TRPM3: variants seen among roughly 807,000 people sequenced by gnomAD.
TRPM3 encodes long transient receptor potential channel 3.
TRPM3 carries 77 observed loss-of-function variants against 181.2 expected under a neutral mutation model. That is an observed-to-expected ratio of 0.42 (90% CI 0.35 to 0.51). The LOEUF is 0.51. TRPM3 is among the 20% of genes least tolerant of loss of function. The pLI, the probability that TRPM3 is intolerant of heterozygous loss-of-function variation, is 0.01. For synonymous variants in TRPM3, 745 were observed against 796.4 expected, an observed-to-expected ratio of 0.94 and a Z score of 1.09; for missense variants, 1,759 against 2,196.7, an observed-to-expected ratio of 0.80 and a Z score of 3.98.
At chr9:70,867,903 T>C (rs1441383082) in intron 1 of TRPM3, among the ~76,000 whole-genome samples, 3 of 152,082 alleles carry the variant, frequency 2.0e-5, no homozygotes, top group Non-Finnish European at 4.4e-5. Context: ...TTGAAGGTTT[T>C]GAACTACTCT....
chr9:70,613,628 C>A (rs1178845558), intron 18 of TRPM3, among the ~76,000 whole-genome samples: 1 of 152,172 alleles, frequency 6.6e-6, no homozygotes, highest in African/African-American at 2.4e-5. Context: ...GCTGTCCAGC[C>A]CTGAGTTTGC....
intron 24 of TRPM3, 134 bp from the exon 25 acceptor site, chr9:70,549,808 T>C: frequency 2.2e-6 from 2 of 899,974 alleles, no homozygotes; most frequent in Non-Finnish European, 3.2e-6. Flanking sequence ...AAGTCTCAAA[T>C]GAAATCCAAA....
At chr9:71,258,944 T>C (rs867463903) in intron 1 of TRPM3, among the ~76,000 whole-genome samples, 1 of 152,180 alleles carries the variant, frequency 6.6e-6, no homozygotes. Context: ...GTGCAGAACA[T>C]GTGGGTTTGT....
At chr9:70,686,190 A>G (rs1428331860) in intron 8 of TRPM3, among the ~76,000 whole-genome samples, 1 of 151,992 alleles carries the variant, frequency 6.6e-6, no homozygotes, top group African/African-American at 2.4e-5. Context: ...ATGTACATAT[A>G]CATATATACA....
chr9:70,758,487 T>A (rs1473376861), intron 8 of TRPM3, among the ~76,000 whole-genome samples: 5 of 152,088 alleles, frequency 3.3e-5, no homozygotes, highest in Admixed American at 1.3e-4. Context: ...CTACTTTTAA[T>A]TTCATATGGA....
intron 19 of TRPM3, among the ~76,000 whole-genome samples, chr9:70,606,828 A>AAACT (rs758122027): frequency 6.6e-5 from 10 of 151,742 alleles, no homozygotes; most frequent in Non-Finnish European, 1.3e-4. Context: ...CATGCTTCTT[A>AAACT]AACTAACTAT....
At chr9:70,857,348 G>T (rs2095413651) in intron 3 of TRPM3, among the ~76,000 whole-genome samples, 1 of 151,958 alleles carries the variant, frequency 6.6e-6, no homozygotes, top group Admixed American at 6.6e-5. Context: ...ATTTTATGGG[G>T]GCTGGTCAAG....
rs114863037 is a variant in TRPM3 at position 70,837,052 on chromosome 9, T to C, written c.801+5951A>G. Among the ~76,000 whole-genome samples, 631 of 152,282 alleles carry C rather than the reference T, an allele frequency of 4.1e-3. 9 individuals are homozygous for C. Among genetic ancestry groups the C allele is most frequent in the African/African-American group, 0.015 (610 of 41,552 alleles). ...CAAGCATTGGCTCTGTCTGGTATAA[T>C]TATAACAGATTTGGGCGGGTGTCCT... On this transcript the variant is annotated intron_variant, in intron 5 of 25. Coordinates refer to ENST00000677713, the MANE Select transcript of TRPM3 (RefSeq NM_001366145.2).
chr9:70,904,955 T>C (rs2096441304), intron 1 of TRPM3, among the ~76,000 whole-genome samples: 1 of 152,236 alleles, frequency 6.6e-6, no homozygotes, highest in Non-Finnish European at 1.5e-5. Flanking sequence ...TCATAACATC[T>C]GCTTTGTTGA....
chr9:71,132,382 G>A (rs1300536470), intron 1 of TRPM3, among the ~76,000 whole-genome samples: 1 of 152,152 alleles, frequency 6.6e-6, no homozygotes, highest in Non-Finnish European at 1.5e-5. Flanking sequence ...ACACAGCAAT[G>A]TGAATGAATC....
intron 1 of TRPM3, among the ~76,000 whole-genome samples, chr9:71,043,766 C>T (rs965286743): frequency 1.3e-5 from 2 of 152,206 alleles, no homozygotes; most frequent in Admixed American, 6.5e-5. Context: ...AGAATGGGGA[C>T]TGACAAGCGA....
Position 70,537,370 on chromosome 9 carries a change from T to C in TRPM3, c.3743A>G (p.Asn1248Ser). 6.7e-7 allele frequency: 1 copy of C among 1,491,896 alleles called. No individual in the cohort carries two copies. The allele number at this position is 1,491,896 out of a possible 1,614,324, so 92.4% of individuals were successfully genotyped here. The change falls in exon 26 of 26, where the codon AAC (asparagine) becomes AGC (serine). Residue 1248 changes from asparagine to serine, a missense_variant. Physicochemically the swap from Asn to Ser is conservative, Grantham distance 46. Around this residue, in one of 8 missense-constraint regions of TRPM3, gnomAD observed 96 missense variants for 129.6 expected, o/e 0.74. Coordinates refer to ENST00000677713, the MANE Select transcript of TRPM3 (RefSeq NM_001366145.2). ...ENMSMRLEEV[N>S]EREHSMKASL... Reference sequence around the variant, plus strand: ...AGCCTTCATGGAGTGCTCTCTCTCGTTGACTTCCTCCAGCCGCATAGACAT... The same window carrying C: ...AGCCTTCATGGAGTGCTCTCTCTCGCTGACTTCCTCCAGCCGCATAGACAT...
At chr9:70,842,928 A>C in intron 5 of TRPM3, 75 bp downstream of exon 5, 1 of 1,480,712 alleles carries the variant, frequency 6.8e-7, no homozygotes. Flanking sequence ...GCACATTTTG[A>C]ATACTAATTT....
At chr9:70,604,964 C>CTTTCTTTTTT (rs1554774946) in intron 19 of TRPM3, among the ~76,000 whole-genome samples, 4 of 129,938 alleles carry the variant, frequency 3.1e-5, no homozygotes, top group East Asian at 2.3e-4. Context: ...ATGGATTCTT[C>CTTTCTTTTTT]TTTTTTTTTG....
intron 1 of TRPM3, among the ~76,000 whole-genome samples, chr9:71,199,395 G>GT (rs1044866038): frequency 6.6e-6 from 1 of 152,190 alleles, no homozygotes; most frequent in African/African-American, 2.4e-5. Flanking sequence ...CATAAAATGA[G>GT]TTAGGGAGGA....
At chr9:71,094,097 G>T (rs1161881908) in intron 1 of TRPM3, among the ~76,000 whole-genome samples, 4 of 148,904 alleles carry the variant, frequency 2.7e-5, no homozygotes, top group African/African-American at 9.9e-5. Flanking sequence ...GGGTGGGGGT[G>T]GGGGGCAAGG....
chr9:71,311,687 T>A (rs2087952378), intron 1 of TRPM3, among the ~76,000 whole-genome samples: 1 of 151,662 alleles, frequency 6.6e-6, no homozygotes, highest in African/African-American at 2.4e-5. Context: ...GAAAAAAAAA[T>A]CTAGATCAGA....
chr9:71,348,521 T>C (rs551131290), intron 1 of TRPM3, among the ~76,000 whole-genome samples: 1 of 151,114 alleles, frequency 6.6e-6, no homozygotes, highest in African/African-American at 2.4e-5. Context: ...GTTTGGTAGT[T>C]GACTTTTCTG....
At chr9:70,562,536 A>G (rs529415038) in intron 22 of TRPM3, among the ~76,000 whole-genome samples, 1 of 151,438 alleles carries the variant, frequency 6.6e-6, no homozygotes, top group African/African-American at 2.4e-5. Flanking sequence ...TTCAGAACCC[A>G]CTATTAAGCT....
Sources: allele counts gnomAD v4.1 joint callset (sites outside exome capture counted in the v4.1 genomes callset), GRCh38; gene constraint gnomAD v4.1.1; regional missense constraint gnomAD v4.1.1; transcripts MANE v1.5; gene names NCBI Gene and HGNC (gene_info 2026-07-23, HGNC 2026-07-21).